CACNA1E: variants seen among roughly 807,000 people sequenced by gnomAD.
CACNA1E encodes calcium voltage-gated channel subunit alpha1 E.
A neutral mutation model predicts 259.2 loss-of-function variants in CACNA1E; 40 were observed. The ratio of observed to expected loss-of-function variants is 0.15; its 90% confidence interval spans 0.12 to 0.20. The LOEUF (loss-of-function observed/expected upper bound fraction) is 0.20. Among genes scored for constraint, CACNA1E ranks in the 10% least tolerant of loss-of-function variants. The probability of loss-of-function intolerance (pLI) is 1.00; values close to 1 mark genes in which losing one functional copy is unlikely to be tolerated. For missense variants in CACNA1E, 1,874 were observed against 3,040.1 expected (o/e 0.62, Z 9.02); for synonymous variants, 1,104 against 1,138.5 (o/e 0.97, Z 0.61).
intron 1 of CACNA1E, among the ~76,000 whole-genome samples, chr1:181,400,434 G>C (rs768831436): frequency 6.6e-6 from 1 of 152,150 alleles, no homozygotes; most frequent in Non-Finnish European, 1.5e-5. Flanking sequence ...GGAGGCTGCA[G>C]ACTGGCCGTG....
At chr1:181,625,672 C>T (rs905233147) in intron 6 of CACNA1E, among the ~76,000 whole-genome samples, 3 of 152,200 alleles carry the variant, frequency 2.0e-5, no homozygotes, top group Admixed American at 6.5e-5. Flanking sequence ...TTTGATCTTC[C>T]ATCCAGACCA....
chr1:181,415,200 C>G lies in CACNA1E; in HGVS notation c.434+1620C>G, dbSNP rs1658174528. Among the ~76,000 whole-genome samples, 6 of 152,230 alleles carry G rather than the reference C, an allele frequency of 3.9e-5. No homozygotes were observed. In the South Asian group the frequency reaches 1.2e-3, roughly 32 times the overall value. On this transcript the variant is annotated intron_variant, in intron 2 of 11. Transcript: ENST00000524607. ...GCACATTGTTCATGTCACTCAATGC[C>G]TATCATCTGGCCTAACCCAAAAAAT...
intron 21 of CACNA1E, among the ~76,000 whole-genome samples, chr1:181,735,864 T>C (rs1655989202): frequency 6.6e-6 from 1 of 152,142 alleles, no homozygotes; most frequent in Admixed American, 6.5e-5. Context: ...ATGGGAGTAA[T>C]AATACATGCC....
chr1:181,618,744 G>T (rs544861890), intron 6 of CACNA1E, among the ~76,000 whole-genome samples: 14 of 152,172 alleles, frequency 9.2e-5, no homozygotes, highest in Non-Finnish European at 1.2e-4. Flanking sequence ...CTATATTGAC[G>T]TTGATCACTG....
intron 7 of CACNA1E, among the ~76,000 whole-genome samples, chr1:181,683,762 A>G (rs1650229854): frequency 6.6e-6 from 1 of 152,228 alleles, no homozygotes; most frequent in South Asian, 2.1e-4. Context: ...TGCAAAGGAC[A>G]TGATTTCATT....
chr1:181,730,655 C>T (rs812221), intron 18 of CACNA1E, among the ~76,000 whole-genome samples: 75 of 152,330 alleles, frequency 4.9e-4, no homozygotes, highest in South Asian at 2.3e-3. Flanking sequence ...TGGACCACTT[C>T]GTAGCCTTGA....
intron 1 of CACNA1E, among the ~76,000 whole-genome samples, chr1:181,499,348 A>G (rs1398830072): frequency 2.0e-5 from 3 of 152,226 alleles, no homozygotes; most frequent in Non-Finnish European, 4.4e-5. Flanking sequence ...TTCTTTTAGA[A>G]TTCTCTATTG....
intron 1 of CACNA1E, among the ~76,000 whole-genome samples, chr1:181,386,564 T>C (rs1047244853): frequency 6.6e-6 from 1 of 152,176 alleles, no homozygotes; most frequent in African/African-American, 2.4e-5. Context: ...GTGATGGAAA[T>C]TGGTCTCTGG....
In CACNA1E at chr1:181,798,938, G is replaced by C; in HGVS notation, c.*104G>C. 1 of 1,020,408 alleles carries C rather than the reference G, an allele frequency of 9.8e-7. No individual in the cohort carries two copies. Among genetic ancestry groups the C allele is most frequent in the Non-Finnish European group, 1.4e-6 (1 of 732,964 alleles). 63.2% of individuals were successfully genotyped at this position (1,020,408 alleles called of 1,614,324 possible). A position where few individuals can be genotyped will look rare whatever the true frequency, so the allele number is the denominator to read the frequency against. On this transcript the variant is annotated 3_prime_UTR_variant, in exon 48 of 48. Transcript: ENST00000367573. The surrounding 1 kb of genome is among the most constrained non-coding windows in gnomAD (Gnocchi z 4.2). The stretch of plus-strand genomic sequence containing the variant: ...GGGGGGGAGGAAGAGGGAAAAGGAA[G>C]ATGGAAGGACACCATGCATTATCAG...
chr1:181,688,987 A>AT (rs1001737340), intron 7 of CACNA1E, among the ~76,000 whole-genome samples: 3 of 151,574 alleles, frequency 2.0e-5, no homozygotes, highest in African/African-American at 7.2e-5. Context: ...CAGAATTTTG[A>AT]TTTTTTTAAC....
At chr1:181,655,899 A>G (rs778497669) in intron 7 of CACNA1E, among the ~76,000 whole-genome samples, 1 of 152,234 alleles carries the variant, frequency 6.6e-6, no homozygotes, top group Non-Finnish European at 1.5e-5. Flanking sequence ...CATTTCAGTC[A>G]ATGACTGATG....
chr1:181,596,556 A>ATGTGTGTG, intron 6 of CACNA1E, among the ~76,000 whole-genome samples: 1 of 53,678 alleles, frequency 1.9e-5, no homozygotes, highest in South Asian at 7.4e-4. Flanking sequence ...CCCACCATGT[A>ATGTGTGTG]CGTGTGTGTG....
chr1:181,363,644 AG>A (rs989603646), intron 1 of CACNA1E, among the ~76,000 whole-genome samples: 4 of 137,874 alleles, frequency 2.9e-5, no homozygotes, highest in Non-Finnish European at 6.4e-5. Context: ...CCAGTAGGCA[AG>A]GGTGGTTGAC....
chr1:181,436,065 A>G (rs1026110192), intron 2 of CACNA1E, among the ~76,000 whole-genome samples: 1 of 152,264 alleles, frequency 6.6e-6, no homozygotes, highest in Admixed American at 6.5e-5. Flanking sequence ...GGGGACCTGA[A>G]CAGACATTTC....
At chr1:181,795,110 C>T in intron 46 of CACNA1E, 66 bp downstream of exon 46, 1 of 1,310,498 alleles carries the variant, frequency 7.6e-7, no homozygotes, top group Non-Finnish European at 1.1e-6. Flanking sequence ...TGCACTTACT[C>T]TCCAAGGACT....
At chr1:181,397,210 T>C (rs1398880683) in intron 1 of CACNA1E, among the ~76,000 whole-genome samples, 3 of 152,208 alleles carry the variant, frequency 2.0e-5, no homozygotes, top group African/African-American at 7.2e-5. Context: ...ATGCCTCCCA[T>C]GCTCCCAGCA....
intron 7 of CACNA1E, among the ~76,000 whole-genome samples, chr1:181,681,241 C>T (rs1050049471): frequency 6.6e-6 from 1 of 152,210 alleles, no homozygotes; most frequent in Non-Finnish European, 1.5e-5. Flanking sequence ...CCCTCAGATC[C>T]ATGTCCCCAA....
chr1:181,383,458 G>GT (rs1427291477), intron 1 of CACNA1E, among the ~76,000 whole-genome samples: 1 of 152,238 alleles, frequency 6.6e-6, no homozygotes, highest in African/African-American at 2.4e-5. Context: ...AGCAGAAGTA[G>GT]TAAACGGAGC....
At chr1:181,790,046 A>T (rs539183845) in intron 43 of CACNA1E, among the ~76,000 whole-genome samples, 3 of 152,188 alleles carry the variant, frequency 2.0e-5, no homozygotes, top group Non-Finnish European at 2.9e-5. Flanking sequence ...GAGTAGGGAA[A>T]ATTTTTAAAA....
Sources: gnomAD v4.1 joint callset for allele counts (sites outside exome capture counted in the v4.1 genomes callset) on GRCh38, gnomAD v4.1.1 for gene constraint, Gnocchi (gnomAD v3.1) non-coding constraint, MANE v1.5 for transcripts, NCBI Gene and HGNC (gene_info 2026-07-23, HGNC 2026-07-21) for gene names.